FMNL2: variants seen among roughly 807,000 people sequenced by gnomAD.
FMNL2 encodes the protein formin like 2, also known as formin-like protein 2.
In FMNL2, 51 loss-of-function variants were observed where a neutral mutation model predicts 130.2. The observed-to-expected ratio is 0.39, with a 90% confidence interval of 0.31 to 0.49. The LOEUF is 0.49. Ranked by LOEUF, FMNL2 falls within the 20% of genes least tolerant of loss-of-function variation. The pLI, the probability that FMNL2 is intolerant of heterozygous loss-of-function variation, is 0.85. For synonymous variants in FMNL2, 465 were observed against 467.1 expected (o/e 1.00, Z 0.06); for missense variants, 977 against 1,316.2 (o/e 0.74, Z 3.99).
At chr2:152,369,753 A>G (rs116988236) in intron 1 of FMNL2, among the ~76,000 whole-genome samples, 2 of 152,340 alleles carry the variant, frequency 1.3e-5, no homozygotes, top group East Asian at 1.9e-4. Context: ...TTTGAACCTC[A>G]GGGTTGTTCT....
At chr2:152,635,179 A>G (rs933355638) in intron 21 of FMNL2, among the ~76,000 whole-genome samples, 4 of 152,220 alleles carry the variant, frequency 2.6e-5, no homozygotes, top group Non-Finnish European at 4.4e-5. Flanking sequence ...TTGCTTTAAA[A>G]GACTGTAGAA....
At chr2:152,477,694 G>C (rs1690232281) in intron 1 of FMNL2, among the ~76,000 whole-genome samples, 1 of 152,074 alleles carries the variant, frequency 6.6e-6, no homozygotes. Flanking sequence ...TGGCAAATTA[G>C]AACAAAACAA....
intron 1 of FMNL2, among the ~76,000 whole-genome samples, chr2:152,369,456 CAGTAAT>C (rs1379650574): frequency 1.3e-5 from 2 of 152,216 alleles, no homozygotes; most frequent in East Asian, 3.8e-4. Flanking sequence ...TTTCATTAAA[CAGTAAT>C]GTACTTGCTT....
chr2:152,448,216 A>AC (rs1023102963), intron 1 of FMNL2, among the ~76,000 whole-genome samples: 41 of 151,634 alleles, frequency 2.7e-4, no homozygotes, highest in East Asian at 9.7e-4. Flanking sequence ...AAAAAAAAAA[A>AC]ACACATAATA....
chr2:152,443,781 T>C (rs1268436382), intron 1 of FMNL2, among the ~76,000 whole-genome samples: 2 of 151,688 alleles, frequency 1.3e-5, no homozygotes, highest in African/African-American at 4.8e-5. Context: ...AGGCAGAGGA[T>C]GGAGTGACCC....
At chr2:152,647,410 C>T (rs2105995748) in intron 25 of FMNL2, among the ~76,000 whole-genome samples, 1 of 152,226 alleles carries the variant, frequency 6.6e-6, no homozygotes, top group East Asian at 1.9e-4. Context: ...ATTAATTTTG[C>T]AGTTTAAAAT....
intron 1 of FMNL2, among the ~76,000 whole-genome samples, chr2:152,347,525 A>C (rs1468174648): frequency 6.6e-6 from 1 of 152,194 alleles, no homozygotes; most frequent in Non-Finnish European, 1.5e-5. Flanking sequence ...TCCCAAAGTA[A>C]AGCATGAATG....
chr2:152,359,706 A>G (rs765255163), intron 1 of FMNL2, among the ~76,000 whole-genome samples: 5 of 152,280 alleles, frequency 3.3e-5, no homozygotes, highest in Admixed American at 3.3e-4. Context: ...TTACAAAGCC[A>G]TTGAGCAATT....
chr2:152,632,656 C>G (rs1300883541), intron 21 of FMNL2, among the ~76,000 whole-genome samples: 3 of 152,084 alleles, frequency 2.0e-5, no homozygotes, highest in South Asian at 2.1e-4. Context: ...AATAGTATCT[C>G]CATTATTATA....
chr2:152,344,581 A>G (rs1682007270), intron 1 of FMNL2, among the ~76,000 whole-genome samples: 1 of 152,248 alleles, frequency 6.6e-6, no homozygotes, highest in South Asian at 2.1e-4. Context: ...ACTATTTAAG[A>G]AATGACCACC....
At chr2:152,473,656 T>C (rs563775876) in intron 1 of FMNL2, among the ~76,000 whole-genome samples, 1 of 152,362 alleles carries the variant, frequency 6.6e-6, no homozygotes, top group South Asian at 2.1e-4. Context: ...GATTTCATAT[T>C]GATTCAAATG....
At chr2:152,478,761 A>C (rs1029105905) in intron 1 of FMNL2, among the ~76,000 whole-genome samples, 16 of 152,196 alleles carry the variant, frequency 1.1e-4, no homozygotes, top group African/African-American at 3.4e-4. Flanking sequence ...AGGTTCAGTG[A>C]GTATAAATTC....
Position 152,629,730 on chromosome 2 carries a change from T to C in FMNL2, c.2469+6T>C. The C allele has an allele frequency of 1.2e-6, 2 of 1,601,322 alleles. No individual in the cohort carries two copies. The highest frequency in any genetic ancestry group is 1.1e-5 in the South Asian group (1 of 89,004). On this transcript the variant is annotated splice_donor_region_variant and intron_variant, in intron 19 of 25. Transcript: ENST00000288670. ...AACTCAAGAAAATTCTGGAGGCAAGTGCAGTTTTTCTTGTAGGTATGAAGG... is the reference window on the plus strand; with the variant it reads ...AACTCAAGAAAATTCTGGAGGCAAGCGCAGTTTTTCTTGTAGGTATGAAGG...
chr2:152,530,746 A>C (rs185511595), intron 2 of FMNL2, among the ~76,000 whole-genome samples: 10 of 152,328 alleles, frequency 6.6e-5, no homozygotes, highest in Non-Finnish European at 1.2e-4. Context: ...TTTCAAGGAA[A>C]GAAAGAGTTT....
At chr2:152,481,186 A>G (rs987197591) in intron 1 of FMNL2, among the ~76,000 whole-genome samples, 16 of 152,210 alleles carry the variant, frequency 1.1e-4, no homozygotes, top group Admixed American at 2.6e-4. Flanking sequence ...ATTTTAAAAA[A>G]TTTCTTCTAA....
intron 7 of FMNL2, among the ~76,000 whole-genome samples, chr2:152,576,828 G>T (rs1179166844): frequency 6.6e-6 from 1 of 152,172 alleles, no homozygotes; most frequent in Non-Finnish European, 1.5e-5. Flanking sequence ...GGAATGTCTG[G>T]TTTGCCCAAG....
chr2:152,645,124 G>A (rs1263304132), intron 25 of FMNL2, among the ~76,000 whole-genome samples: 1 of 152,170 alleles, frequency 6.6e-6, no homozygotes, highest in Non-Finnish European at 1.5e-5. Flanking sequence ...ACCCACCAGT[G>A]CTTATTAACA....
intron 1 of FMNL2, among the ~76,000 whole-genome samples, chr2:152,357,558 A>C (rs1298448109): frequency 6.2e-4 from 12 of 19,322 alleles, no homozygotes; most frequent in African/African-American, 1.3e-3. Flanking sequence ...TTTAATGTAT[A>C]ACGATAAATA....
At chr2:152,384,980 T>C (rs1345015211) in intron 1 of FMNL2, among the ~76,000 whole-genome samples, 1 of 152,184 alleles carries the variant, frequency 6.6e-6, no homozygotes, top group Non-Finnish European at 1.5e-5. Context: ...ATAAATGTAT[T>C]AGAGGAAGAA....
Sources: gnomAD v4.1 joint callset for allele counts (sites outside exome capture counted in the v4.1 genomes callset) on GRCh38, gnomAD v4.1.1 for gene constraint, MANE v1.5 for transcripts, NCBI Gene and HGNC (gene_info 2026-07-23, HGNC 2026-07-21) for gene names.